GSDMC: variants seen among roughly 807,000 people sequenced by gnomAD.
GSDMC encodes the protein gasdermin C.
GSDMC carries 59 observed loss-of-function variants against 58.0 expected under a neutral mutation model. The ratio of observed to expected loss-of-function variants is 1.02; its 90% CI spans 0.82 to 1.26. GSDMC has a LOEUF of 1.26. Ranked by LOEUF, GSDMC falls within the 50% of genes most tolerant of loss-of-function variation. The probability of loss-of-function intolerance (pLI) is 0.00; values close to 1 mark genes in which losing one functional copy is unlikely to be tolerated. For missense variants in GSDMC, 659 were observed against 598.5 expected, an observed-to-expected ratio of 1.10 and a Z score of -1.06; for synonymous variants, 241 against 220.2, an observed-to-expected ratio of 1.09 and a Z score of -0.83.
chr8:129,767,818 G>A (rs918893903), intron 3 of GSDMC, among the ~76,000 whole-genome samples: 4 of 152,040 alleles, frequency 2.6e-5, no homozygotes, highest in Non-Finnish European at 4.4e-5. Flanking sequence ...ACCCAGTCAG[G>A]GAGCACTTCA....
intron 12 of GSDMC, among the ~76,000 whole-genome samples, chr8:129,749,761 A>G (rs898900378): frequency 5.9e-5 from 9 of 152,258 alleles, no homozygotes; most frequent in South Asian, 2.1e-4. Flanking sequence ...CCCACCTCCA[A>G]TGATTTGTGG....
rs113493103 is a variant in GSDMC, at chr8:129,773,332, G to A, written c.404+2770C>T. Among the ~76,000 whole-genome samples the A allele has an allele frequency of 2.5e-3, 382 of 152,208 alleles. 2 individuals are homozygous for A. The highest frequency in any genetic ancestry group is 8.9e-3 in the African/African-American group (369 of 41,540). On this transcript the variant is annotated intron_variant, in intron 3 of 13. Coordinates refer to ENST00000276708, the MANE Select transcript of GSDMC (RefSeq NM_031415.3). ...TAATAGGAAAGAAAGAAGTAAAATT[G>A]CCTGTTTACAGATGACACTATCTTA...
intron 5 of GSDMC, among the ~76,000 whole-genome samples, chr8:129,761,925 G>T (rs1323164828): frequency 6.6e-6 from 1 of 152,172 alleles, no homozygotes; most frequent in Non-Finnish European, 1.5e-5. Flanking sequence ...GTGTGAGAGT[G>T]AGTGTGGGAG....
chr8:129,754,085 C>G (rs1025794791), intron 6 of GSDMC, among the ~76,000 whole-genome samples: 1 of 152,336 alleles, frequency 6.6e-6, no homozygotes, highest in South Asian at 2.1e-4. Flanking sequence ...ACTGCTCTGA[C>G]GGGAAGTGAA....
intron 10 of GSDMC, 41 bp from the exon 11 acceptor site, chr8:129,750,611 G>A: frequency 6.3e-7 from 1 of 1,599,868 alleles, no homozygotes; most frequent in Non-Finnish European, 8.5e-7. Flanking sequence ...GTGGGGACAA[G>A]TCTTTGATTA....
chr8:129,752,984 C>A, intron 6 of GSDMC, 164 bp from the exon 7 acceptor site: 1 of 1,286,066 alleles, frequency 7.8e-7, no homozygotes, highest in Non-Finnish European at 1.0e-6. Context: ...TTCCTTCTTT[C>A]AGAACTCAAG....
chr8:129,708,648 G>A, the GSDMC span, among the ~76,000 whole-genome samples: 1 of 152,264 alleles, frequency 6.6e-6, no homozygotes, highest in African/African-American at 2.4e-5. Flanking sequence ...AGGGGCAATG[G>A]ATTCGGCACT....
the GSDMC span, among the ~76,000 whole-genome samples, chr8:129,725,787 C>T: frequency 6.6e-6 from 1 of 152,094 alleles, no homozygotes; most frequent in Non-Finnish European, 1.5e-5. Flanking sequence ...AAATGAAGCT[C>T]AAAGATTTTG....
At chr8:129,725,613 C>A in the GSDMC span, among the ~76,000 whole-genome samples, 3 of 152,180 alleles carry the variant, frequency 2.0e-5, no homozygotes, top group Non-Finnish European at 4.4e-5. Flanking sequence ...GCCACGACCA[C>A]AATATCAGGT....
chr8:129,708,586 C>T, the GSDMC span, among the ~76,000 whole-genome samples: 1 of 152,198 alleles, frequency 6.6e-6, no homozygotes, highest in African/African-American at 2.4e-5. Context: ...CACTGCTAGC[C>T]ATAGAAGGGC....
At chr8:129,745,726 GA>G (rs2032946219), downstream of GSDMC, among the ~76,000 whole-genome samples, 1 of 98,458 alleles carries the variant, frequency 1.0e-5, no homozygotes, top group African/African-American at 7.5e-5. Flanking sequence ...AGGTGATAGG[GA>G]AAACAAGAGC....
At chr8:129,748,086 G>C (rs1483159414), downstream of GSDMC, 2 of 152,762 alleles carry the variant, frequency 1.3e-5, no homozygotes, top group Non-Finnish European at 1.5e-5. Flanking sequence ...ACATTTACTT[G>C]GTCACTTATC....
At position 129,750,045 on chromosome 8, in the gene GSDMC, G is replaced by A. The variant is rs77681114; in HGVS notation, c.1158C>T (p.Asn386=). Residue 386 remains asparagine (N), a synonymous_variant, in exon 12 of 14, where the codon AAC becomes AAT. Coordinates refer to ENST00000276708, the MANE Select transcript of GSDMC (RefSeq NM_031415.3). ...GGTCCTTTGGGTTAAACCATGCATG[G>A]TTTGAATCCTGTTGAAGTTTCTTTA... ...AILKKLQQDS[N]HAWFNPKDPI... The A allele has an allele frequency of 0.047, 75,893 of 1,610,418 alleles. 3,856 individuals carry two copies. The highest frequency in any genetic ancestry group is 0.24 in the East Asian group (10,811 of 44,770).
intron 6 of GSDMC, among the ~76,000 whole-genome samples, chr8:129,759,384 G>A (rs1463213925): frequency 6.6e-6 from 1 of 152,114 alleles, no homozygotes; most frequent in Non-Finnish European, 1.5e-5. Context: ...AAGTTAAAAA[G>A]CTTCTTCACA....
intron 1 of GSDMC, among the ~76,000 whole-genome samples, chr8:129,785,718 A>G (rs1431160302): frequency 6.6e-6 from 1 of 151,110 alleles, no homozygotes; most frequent in Non-Finnish European, 1.5e-5. Flanking sequence ...TGATGTGACC[A>G]TTTCAATTCT....
At chr8:129,758,536 C>T (rs553808922) in intron 6 of GSDMC, among the ~76,000 whole-genome samples, 1 of 152,208 alleles carries the variant, frequency 6.6e-6, no homozygotes, top group East Asian at 1.9e-4. Context: ...AATATAAATT[C>T]AACATACAAA....
the GSDMC span, among the ~76,000 whole-genome samples, chr8:129,731,365 A>G: frequency 1.3e-5 from 2 of 152,198 alleles, no homozygotes; most frequent in African/African-American, 4.8e-5. Context: ...TTGCAAGCAA[A>G]CAACCTCACA....
intron 3 of GSDMC, among the ~76,000 whole-genome samples, chr8:129,770,304 G>A (rs1280351656): frequency 1.3e-5 from 2 of 152,038 alleles, no homozygotes; most frequent in South Asian, 2.1e-4. Context: ...AGACCAGCCT[G>A]ACTAATATGG....
At chr8:129,724,751 A>T in the GSDMC span, among the ~76,000 whole-genome samples, 1 of 152,188 alleles carries the variant, frequency 6.6e-6, no homozygotes, top group Non-Finnish European at 1.5e-5. Context: ...ATTGGAAATT[A>T]TGGAAAAAAA....
Sources: allele counts gnomAD v4.1 joint callset (sites outside exome capture counted in the v4.1 genomes callset), GRCh38; gene constraint gnomAD v4.1.1; transcripts MANE v1.5; gene names NCBI Gene and HGNC (gene_info 2026-07-23, HGNC 2026-07-21).